The following RBM20 variants were observed in gnomAD, a reference collection of about 807,000 sequenced individuals.
The protein encoded by RBM20 is RNA binding motif protein 20.
A neutral mutation model predicts 110.1 loss-of-function variants in RBM20; 51 were observed. That is an observed-to-expected ratio of 0.46 (90% CI 0.37 to 0.59). The LOEUF (loss-of-function observed/expected upper bound fraction) is 0.59. Among genes scored for constraint, RBM20 ranks in the 20% least tolerant of loss-of-function variants. The pLI, the probability that RBM20 is intolerant of heterozygous loss-of-function variation, is 0.00. For synonymous variants in RBM20, 589 were observed against 618.2 expected (o/e 0.95, Z 0.70); for missense variants, 1,512 against 1,574.9 (o/e 0.96, Z 0.68).
At chr10:110,720,782 T>C (rs908202308) in intron 1 of RBM20, among the ~76,000 whole-genome samples, 18 of 148,000 alleles carry the variant, frequency 1.2e-4, no homozygotes, top group Non-Finnish European at 2.2e-4. Flanking sequence ...CCACAGCAGC[T>C]GGAGTGACCG....
intron 12 of RBM20, among the ~76,000 whole-genome samples, chr10:110,825,651 G>A (rs1189989724): frequency 6.6e-6 from 1 of 152,156 alleles, no homozygotes; most frequent in Non-Finnish European, 1.5e-5. Flanking sequence ...TTTAACCACT[G>A]CAAATATTCC....
At chr10:110,790,952 C>T (rs1258932974) in intron 5 of RBM20, among the ~76,000 whole-genome samples, 1 of 152,170 alleles carries the variant, frequency 6.6e-6, no homozygotes, top group African/African-American at 2.4e-5. Context: ...CGTTTTGTGA[C>T]TCTACAGTTT....
In RBM20 at chr10:110,784,424, G is replaced by C; in HGVS notation, c.1421G>C (p.Gly474Ala). ...AGCACAGCTGTTTATAACCCTGCTGGGAATGAAGGTGAGCAAGGCCCTACA... is the reference window on the plus strand; with the variant it reads ...AGCACAGCTGTTTATAACCCTGCTGCGAATGAAGGTGAGCAAGGCCCTACA... ...PNSTAVYNPA[G>A]NEDYASNLGT... Residue 474 changes from glycine to alanine, a missense_variant, in exon 4 of 14, where the codon GGG becomes GCG. Transcript: ENST00000369519. 6.4e-7 allele frequency: 1 copy of C among 1,551,066 alleles called. No homozygotes were observed. The highest frequency in any genetic ancestry group is 8.7e-7 in the Non-Finnish European group (1 of 1,146,632).
intron 1 of RBM20, among the ~76,000 whole-genome samples, chr10:110,662,362 T>C (rs570841928): frequency 6.6e-6 from 1 of 152,342 alleles, no homozygotes; most frequent in South Asian, 2.1e-4. Flanking sequence ...ACAGAGATTA[T>C]GTGTAAAGTG....
In RBM20 at chr10:110,823,102, G is replaced by A. The variant is rs547448028; in HGVS notation, c.3317-378G>A. Among the ~76,000 whole-genome samples, 11 of 152,126 alleles carry A rather than the reference G, an allele frequency of 7.2e-5. No homozygotes were observed. In the East Asian group the frequency reaches 1.2e-3, roughly 16 times the overall value. Reference sequence around the variant, plus strand: ...TGGCATTGCCTGTTTTGCTAGCCTCGGTGGACGTCAGCACAATTTTTGCCC... The same window carrying A: ...TGGCATTGCCTGTTTTGCTAGCCTCAGTGGACGTCAGCACAATTTTTGCCC... On this transcript the variant is annotated intron_variant, in intron 11 of 13. Transcript: ENST00000369519.
chr10:110,784,880 G>A lies in RBM20; in HGVS notation c.1518G>A (p.Val506=), dbSNP rs1450120874. 1 of 1,528,678 alleles carries A rather than the reference G, an allele frequency of 6.5e-7. No individual in the cohort carries two copies. Among genetic ancestry groups the A allele is most frequent in the South Asian group, 1.2e-5 (1 of 82,568 alleles). 94.7% of individuals were successfully genotyped at this position (1,528,678 alleles called of 1,614,324 possible). A position where few individuals can be genotyped will look rare whatever the true frequency, so the allele number is the denominator to read the frequency against. The change falls in exon 5 of 14, where the codon GTG becomes GTA. Residue 506 remains valine (V), a synonymous_variant. Transcript: ENST00000369519. The part of the protein sequence containing the change: ...QSSPTFPLAS[V]GTTFAQRKGA... ...GCCCCACATTTCCTTTGGCTTCTGT[G>A]GGGACAACTGTGAGTACGGAAACAT... is the stretch of plus-strand genomic sequence containing the variant.
intron 1 of RBM20, among the ~76,000 whole-genome samples, chr10:110,651,207 C>G (rs1023542448): frequency 1.3e-5 from 2 of 152,190 alleles, no homozygotes; most frequent in African/African-American, 4.8e-5. Context: ...CCTCCATCAC[C>G]TGATACGGAA....
chr10:110,705,433 T>A (rs1394780453), intron 1 of RBM20, among the ~76,000 whole-genome samples: 1 of 152,266 alleles, frequency 6.6e-6, no homozygotes, highest in African/African-American at 2.4e-5. Context: ...GTGCTATCAC[T>A]GTTTATACCA....
intron 5 of RBM20, among the ~76,000 whole-genome samples, chr10:110,789,184 G>A (rs1240568398): frequency 1.3e-5 from 2 of 152,170 alleles, no homozygotes; most frequent in Non-Finnish European, 2.9e-5. Context: ...AGCAGTTACT[G>A]CCTCTAAAGC....
chr10:110,690,069 T>C (rs997743247), intron 1 of RBM20, among the ~76,000 whole-genome samples: 3 of 152,170 alleles, frequency 2.0e-5, no homozygotes, highest in Admixed American at 1.3e-4. Context: ...ACTATGGCCT[T>C]TTTTTATTGT....
intron 5 of RBM20, among the ~76,000 whole-genome samples, chr10:110,793,530 T>C (rs115199321): frequency 3.4e-4 from 52 of 152,256 alleles, no homozygotes; most frequent in African/African-American, 1.2e-3. Flanking sequence ...CCGGAAGAGG[T>C]TCAGAGAGCT....
At chr10:110,726,358 T>C (rs550909594) in intron 1 of RBM20, among the ~76,000 whole-genome samples, 1 of 152,296 alleles carries the variant, frequency 6.6e-6, no homozygotes, top group South Asian at 2.1e-4. Context: ...CCCTATCCTC[T>C]CATGGCATGG....
At chr10:110,701,572 G>A (rs2134894577) in intron 1 of RBM20, among the ~76,000 whole-genome samples, 1 of 152,208 alleles carries the variant, frequency 6.6e-6, no homozygotes. Flanking sequence ...CCTTATCTTG[G>A]GAAATGACTT....
At chr10:110,754,363 T>C (rs1251005599) in intron 1 of RBM20, among the ~76,000 whole-genome samples, 1 of 152,234 alleles carries the variant, frequency 6.6e-6, no homozygotes. Flanking sequence ...CTCTGGTCTT[T>C]TGACCACTTA....
intron 12 of RBM20, 66 bp from the exon 13 acceptor site, chr10:110,830,995 C>T: frequency 6.8e-7 from 1 of 1,464,168 alleles, no homozygotes. Flanking sequence ...TGATGGCTGC[C>T]AGGACACAGG....
rs1027565484 is a variant in RBM20 at position 110,758,789 on chromosome 10, A to G, written c.192-22012A>G. Among the ~76,000 whole-genome samples, 4 of 152,202 alleles carry G rather than the reference A, an allele frequency of 2.6e-5. No individual in the cohort carries two copies. The East Asian group carries it at 7.7e-4, about 29-fold the overall frequency. The stretch of plus-strand genomic sequence containing the variant: ...AAATAGAAAAATGTGGCAAATAGCT[A>G]TCCTATTGAACAGTGCAGATGAGGG... On this transcript the variant is annotated intron_variant, in intron 1 of 13. Transcript: ENST00000369519.
At chr10:110,734,618 C>CATTTTTTTTTTTTT (rs34824300) in intron 1 of RBM20, among the ~76,000 whole-genome samples, 3 of 136,532 alleles carry the variant, frequency 2.2e-5, no homozygotes, top group Admixed American at 7.5e-5. Context: ...AAAATTCCCT[C>CATTTTTTTTTTTTT]TTTTTTTTTT....
At chr10:110,732,586 C>T (rs561989786) in intron 1 of RBM20, among the ~76,000 whole-genome samples, 19 of 152,246 alleles carry the variant, frequency 1.2e-4, no homozygotes, top group Middle Eastern at 3.4e-3. Flanking sequence ...TCTCAAACTC[C>T]GGTTTTGCCT....
chr10:110,669,307 G>A (rs991384132), intron 1 of RBM20, among the ~76,000 whole-genome samples: 44 of 152,158 alleles, frequency 2.9e-4, no homozygotes, highest in Admixed American at 2.0e-3. Context: ...GCGGGGTAGG[G>A]GGGACAGGGT....
Sources: gnomAD v4.1 joint callset for allele counts (sites outside exome capture counted in the v4.1 genomes callset) on GRCh38, gnomAD v4.1.1 for gene constraint, MANE v1.5 for transcripts, NCBI Gene and HGNC (gene_info 2026-07-23, HGNC 2026-07-21) for gene names.